Variants in ARHGAP39 observed in about 807,000 individuals in gnomAD.
The protein encoded by ARHGAP39 is rho GTPase-activating protein 39.
Under a neutral mutation model 106.9 loss-of-function variants are expected in ARHGAP39, and 44 were observed. That is an observed-to-expected ratio of 0.41 (90% CI 0.32 to 0.53). ARHGAP39 has a LOEUF of 0.53. Among genes scored for constraint, ARHGAP39 ranks in the 20% least tolerant of loss-of-function variants. ARHGAP39 has a pLI of 0.21. For synonymous variants in ARHGAP39, 768 were observed against 693.2 expected (o/e 1.11, Z -1.69); for missense variants, 1,496 against 1,577.3 (o/e 0.95, Z 0.87).
intron 6 of ARHGAP39, among the ~76,000 whole-genome samples, chr8:144,544,514 A>C (rs1235510403): frequency 6.6e-6 from 1 of 152,158 alleles, no homozygotes; most frequent in African/African-American, 2.4e-5. Flanking sequence ...GCATTTCTGG[A>C]TATCAGTTCT....
chr8:144,599,656 G>A (rs1025550043), intron 2 of ARHGAP39, among the ~76,000 whole-genome samples: 2 of 152,050 alleles, frequency 1.3e-5, no homozygotes, highest in African/African-American at 2.4e-5. Context: ...AGAATAAAAA[G>A]GGGGACAAAA....
the ARHGAP39 span, among the ~76,000 whole-genome samples, chr8:144,697,888 AT>A: frequency 3.3e-5 from 5 of 152,088 alleles, no homozygotes; most frequent in Non-Finnish European, 7.4e-5. Flanking sequence ...ATGGCATATT[AT>A]TTTTTTGATA....
At chr8:144,601,347 TGTGTGC>T (rs1563699101) in intron 2 of ARHGAP39, among the ~76,000 whole-genome samples, 2 of 135,462 alleles carry the variant, frequency 1.5e-5, no homozygotes, top group African/African-American at 5.5e-5. Flanking sequence ...CTCGTGTACC[TGTGTGC>T]GTGTGCGAGC....
rs1201943305 is a variant in ARHGAP39 at position 144,684,564 on chromosome 8, C to T, written c.-82+1122G>A. On this transcript the variant is annotated intron_variant, in intron 1 of 11. Coordinates refer to ENST00000377307, the MANE Select transcript of ARHGAP39 (RefSeq NM_025251.3). The surrounding 1 kb of genome is among the most constrained non-coding windows in gnomAD (Gnocchi z 4.4). ...GCTGCGTTTCCGAAGCTGCGCAGCG[C>T]CCACAGCAGCTGCTGGTGGGAAGCG... 2.0e-5 allele frequency among the ~76,000 whole-genome samples: 3 copies of T among 152,206 alleles called. No homozygotes were observed.
chr8:144,693,095 T>C, the ARHGAP39 span, among the ~76,000 whole-genome samples: 1 of 124,840 alleles, frequency 8.0e-6, no homozygotes, highest in South Asian at 2.7e-4. Context: ...GACAGAGCCT[T>C]GCTCTGTCAC....
intron 9 of ARHGAP39, 60 bp downstream of exon 9, chr8:144,533,066 G>A: frequency 6.4e-7 from 1 of 1,558,806 alleles, no homozygotes; most frequent in African/African-American, 1.3e-5. Flanking sequence ...GCATGCCACA[G>A]ATGCATGGTG....
intron 7 of ARHGAP39, among the ~76,000 whole-genome samples, chr8:144,535,967 G>A (rs1307429934): frequency 6.6e-6 from 1 of 152,208 alleles, no homozygotes; most frequent in Non-Finnish European, 1.5e-5. Flanking sequence ...TCACTCTGGG[G>A]GTCAGGCTGC....
At chr8:144,602,212 C>T (rs185402931) in intron 2 of ARHGAP39, among the ~76,000 whole-genome samples, 21 of 89,796 alleles carry the variant, frequency 2.3e-4, no homozygotes, top group Middle Eastern at 0.014. Context: ...GGCGTGCGTG[C>T]GAGCTCGTGT....
intron 2 of ARHGAP39, among the ~76,000 whole-genome samples, chr8:144,602,339 G>C (rs1212117862): frequency 2.1e-5 from 3 of 140,936 alleles, no homozygotes; most frequent in Non-Finnish European, 4.6e-5. Flanking sequence ...GCGAGCTCGT[G>C]TACCTGTATG....
At chr8:144,650,768 G>A (rs1398926721) in intron 1 of ARHGAP39, among the ~76,000 whole-genome samples, 2 of 152,056 alleles carry the variant, frequency 1.3e-5, no homozygotes, top group African/African-American at 4.8e-5. Flanking sequence ...AATAATAAGG[G>A]CCATCTGTGA....
chr8:144,585,017 G>A lies in ARHGAP39; in HGVS notation c.81-3740C>T, dbSNP rs987835663. Among the ~76,000 whole-genome samples, 3 of 152,146 alleles carry A rather than the reference G, an allele frequency of 2.0e-5. No individual in the cohort carries two copies. The highest frequency in any genetic ancestry group is 7.2e-5 in the African/African-American group (3 of 41,418). ...TTGGCTCTGCAAGGAGCCTGTGGAT[G>A]GATTTAAGGAGAACCAGGCATCTCA... On this transcript the variant is annotated intron_variant, in intron 2 of 11. Transcript: ENST00000377307. This position sits in a 1 kb window ranked among gnomAD's most constrained non-coding sequence, Gnocchi z 4.6.
intron 3 of ARHGAP39, among the ~76,000 whole-genome samples, chr8:144,573,568 C>T (rs1368571392): frequency 6.6e-6 from 1 of 152,054 alleles, no homozygotes; most frequent in Admixed American, 6.5e-5. Flanking sequence ...AACAAACCTG[C>T]ACGTTGTGCA....
chr8:144,558,433 T>C (rs1292622889), intron 3 of ARHGAP39, among the ~76,000 whole-genome samples: 1 of 152,012 alleles, frequency 6.6e-6, no homozygotes, highest in Non-Finnish European at 1.5e-5. Context: ...GCTGGGACTA[T>C]AGGCACCTGC....
rs1820210000 is a variant in ARHGAP39, at chr8:144,604,507, A to T, written c.80+1028T>A. On this transcript the variant is annotated intron_variant, in intron 2 of 11. Transcript: ENST00000377307. The surrounding 1 kb of genome is among the most constrained non-coding windows in gnomAD (Gnocchi z 4.1). ...ATCTCCTCACCTCAGCCTCCCGAGT[A>T]GCTGAGACCATAGGCATCTGCCACC... 6.6e-6 allele frequency among the ~76,000 whole-genome samples: 1 copy of T among 152,152 alleles called. No individual in the cohort carries two copies. Among genetic ancestry groups the T allele is most frequent in the African/African-American group, 2.4e-5 (1 of 41,422 alleles).
At chr8:144,633,705 T>C (rs1007603152) in intron 1 of ARHGAP39, among the ~76,000 whole-genome samples, 8 of 152,100 alleles carry the variant, frequency 5.3e-5, no homozygotes, top group Non-Finnish European at 1.0e-4. Flanking sequence ...TGAATTTTAA[T>C]AGATAGAGTC....
At chr8:144,601,938 T>A (rs1819989971) in intron 2 of ARHGAP39, among the ~76,000 whole-genome samples, 1 of 132,732 alleles carries the variant, frequency 7.5e-6, no homozygotes. Flanking sequence ...CATGGAGGCG[T>A]GCGTGCGAGC....
chr8:144,609,714 TTATA>T lies in ARHGAP39; in HGVS notation c.-81-4023_-81-4020del, dbSNP rs1820425174. ...ACCGCGCCTGGCCATATTGTCCTTT[TTATA>T]TATTCTCAAATGGGATTGGCTAAAA... On this transcript the variant is annotated intron_variant, in intron 1 of 11. Transcript: ENST00000377307. Among the ~76,000 whole-genome samples the T allele has an allele frequency of 2.6e-5, 4 of 152,340 alleles. No homozygotes were observed. The South Asian group carries it at 8.3e-4, about 32-fold the overall frequency.
intron 2 of ARHGAP39, among the ~76,000 whole-genome samples, chr8:144,601,644 G>A (rs566045236): frequency 1.0e-3 from 140 of 136,248 alleles, no homozygotes; most frequent in Non-Finnish European, 1.6e-3. Flanking sequence ...GTGTGCTCGT[G>A]TACCTGTGTG....
chr8:144,668,106 A>G (rs991088429), intron 1 of ARHGAP39, among the ~76,000 whole-genome samples: 5 of 152,082 alleles, frequency 3.3e-5, no homozygotes, highest in African/African-American at 1.2e-4. Context: ...AGGATGGAAT[A>G]GAAGTTATAT....
Sources: gnomAD v4.1 joint callset for allele counts (sites outside exome capture counted in the v4.1 genomes callset) on GRCh38, gnomAD v4.1.1 for gene constraint, Gnocchi (gnomAD v3.1) non-coding constraint, MANE v1.5 for transcripts, NCBI Gene and HGNC (gene_info 2026-07-23, HGNC 2026-07-21) for gene names.